Variants in CDH18 observed in about 807,000 individuals in gnomAD.
CDH18 encodes the protein cadherin-18.
CDH18 carries 31 observed loss-of-function variants against 67.9 expected under a neutral mutation model. The ratio of observed to expected loss-of-function variants is 0.46; its 90% CI spans 0.34 to 0.62. CDH18 has a LOEUF of 0.62. CDH18 is among the 20% of genes least tolerant of loss of function. The probability of loss-of-function intolerance (pLI) is 0.01; values close to 1 mark genes in which losing one functional copy is unlikely to be tolerated. For synonymous variants in CDH18, 362 were observed against 347.2 expected (o/e 1.04, Z -0.48); for missense variants, 890 against 975.5 (o/e 0.91, Z 1.17).
At chr5:20,398,532 T>A (rs759548695) in intron 1 of CDH18, among the ~76,000 whole-genome samples, 21 of 152,142 alleles carry the variant, frequency 1.4e-4, no homozygotes, top group Non-Finnish European at 2.6e-4. Flanking sequence ...GAGAAAAGCA[T>A]GGAAGCTGGC....
At chr5:20,212,717 A>G (rs1460381631) in intron 2 of CDH18, among the ~76,000 whole-genome samples, 1 of 151,948 alleles carries the variant, frequency 6.6e-6, no homozygotes, top group African/African-American at 2.4e-5. Flanking sequence ...AAAAAAACAT[A>G]TCTTAAATTT....
At position 19,875,395 on chromosome 5, in the gene CDH18, TATAGATAGATAGATAG is replaced by T. The variant is rs56837232; in HGVS notation, c.-256-36169_-256-36154del. On this transcript the variant is annotated intron_variant, in intron 2 of 12. Coordinates refer to ENST00000382275, the MANE Select transcript of CDH18 (RefSeq NM_004934.5). ...AATATTCTTCTATTTCTTCCATGGG[TATAGATAGATAGATAG>T]ATAGATAGATAGATAGATAGATAGA... Among the ~76,000 whole-genome samples the T allele has an allele frequency of 3.0e-3, 437 of 147,734 alleles. 7 individuals are homozygous for T. Among genetic ancestry groups the T allele is most frequent in the African/African-American group, 9.8e-3 (388 of 39,636 alleles).
chr5:20,021,952 T>C (rs984562296), intron 2 of CDH18, among the ~76,000 whole-genome samples: 2 of 152,208 alleles, frequency 1.3e-5, no homozygotes, highest in African/African-American at 2.4e-5. Context: ...ACAACACAGT[T>C]GAGTACATTT....
At position 19,472,942 on chromosome 5, in the gene CDH18, A is replaced by C; in HGVS notation, c.*284T>G. 3.5e-6 allele frequency: 1 copy of C among 288,164 alleles called. No homozygotes were observed. The highest frequency in any genetic ancestry group is 6.5e-6 in the Non-Finnish European group (1 of 154,022). 17.9% of individuals were successfully genotyped at this position (288,164 alleles called of 1,614,324 possible). ...GAAACAAATATCATTGTTTGGCTTA[A>C]TTCAGGTATTCTTAATAAACAGTAC... is the stretch of plus-strand genomic sequence containing the variant. On this transcript the variant is annotated 3_prime_UTR_variant, in exon 13 of 13. Coordinates refer to ENST00000382275, the MANE Select transcript of CDH18 (RefSeq NM_004934.5).
chr5:20,240,396 T>C (rs116698098), intron 2 of CDH18, among the ~76,000 whole-genome samples: 5,816 of 152,200 alleles, frequency 0.038, 364 homozygotes, highest in African/African-American at 0.13. Context: ...GAAAACTGTG[T>C]GCATAAATTT....
chr5:19,970,551 G>A, intron 2 of CDH18, among the ~76,000 whole-genome samples: 1 of 151,302 alleles, frequency 6.6e-6, no homozygotes, highest in Non-Finnish European at 1.5e-5. Flanking sequence ...ATTATCTTAA[G>A]GTTTTGGAAC....
intron 2 of CDH18, among the ~76,000 whole-genome samples, chr5:19,968,693 C>A (rs1797721233): frequency 7.0e-6 from 1 of 143,026 alleles, no homozygotes; most frequent in South Asian, 2.1e-4. Flanking sequence ...AAAATTAATT[C>A]AAGATGGATT....
At chr5:20,252,108 CT>C (rs1743902947) in intron 2 of CDH18, among the ~76,000 whole-genome samples, 2 of 152,106 alleles carry the variant, frequency 1.3e-5, no homozygotes, top group South Asian at 4.1e-4. Context: ...ATATTAATCA[CT>C]TTGGGAGGCT....
chr5:20,406,668 G>A (rs535448167), intron 1 of CDH18, among the ~76,000 whole-genome samples: 1 of 152,156 alleles, frequency 6.6e-6, no homozygotes, highest in East Asian at 1.9e-4. Flanking sequence ...TTAAAAGGGA[G>A]CACTATTAAT....
At position 19,483,309 on chromosome 5, in the gene CDH18, A is replaced by G. The variant is rs1739783066; in HGVS notation, c.1874T>C (p.Ile625Thr). The change falls in exon 12 of 13, where the codon ATT (isoleucine) becomes ACT (threonine). Residue 625 changes from isoleucine (I) to threonine (T), a missense_variant. Physicochemically the swap from Ile to Thr is moderately conservative, Grantham distance 89 (BLOSUM62 -1). Transcript: ENST00000382275. Reference sequence around the variant, plus strand: ...GGTTTAGAATGACTTACCCAGGAGAATGAGAACACAGAGAAGAATAGCGAT... The same window carrying G: ...GGTTTAGAATGACTTACCCAGGAGAGTGAGAACACAGAGAAGAATAGCGAT... ...ALIAILLCVL[I>T]LLAIVVLFIT... is the part of the protein sequence containing the mutation. 2 of 1,612,848 alleles carry G rather than the reference A, an allele frequency of 1.2e-6. No individual in the cohort carries two copies. The highest frequency in any genetic ancestry group is 8.5e-7 in the Non-Finnish European group (1 of 1,179,336).
intron 5 of CDH18, 60 bp from the exon 6 acceptor site, chr5:19,612,661 CAT>C (rs1158185008): frequency 8.5e-7 from 1 of 1,179,822 alleles, no homozygotes; most frequent in Non-Finnish European, 1.2e-6. Flanking sequence ...TATCAACAAA[CAT>C]ACACATACAT....
At position 20,274,559 on chromosome 5, in the gene CDH18, A is replaced by G. The variant is rs555044073; in HGVS notation, c.-579-19054T>C. Reference sequence around the variant, plus strand: ...TGCAATGGCCTTCATAGATGAGTACATATGTCAATAATTATCAAGTTATAA... The same window carrying G: ...TGCAATGGCCTTCATAGATGAGTACGTATGTCAATAATTATCAAGTTATAA... On this transcript the variant is annotated intron_variant, in intron 1 of 14. Coordinates refer to the CDH18 transcript ENST00000507958. Among the ~76,000 whole-genome samples, 6 of 152,290 alleles carry G rather than the reference A, an allele frequency of 3.9e-5. No homozygotes were observed. The South Asian group carries it at 1.2e-3, about 32-fold the overall frequency.
intron 2 of CDH18, among the ~76,000 whole-genome samples, chr5:20,078,770 T>C (rs1744185151): frequency 6.6e-6 from 1 of 151,800 alleles, no homozygotes; most frequent in Non-Finnish European, 1.5e-5. Context: ...GCCCAGCTAA[T>C]ATATTTTTTT....
intron 1 of CDH18, among the ~76,000 whole-genome samples, chr5:20,408,598 A>G (rs2150140087): frequency 6.6e-6 from 1 of 152,004 alleles, no homozygotes; most frequent in South Asian, 2.1e-4. Flanking sequence ...TTATACAAAA[A>G]AGAGAAAGAA....
intron 1 of CDH18, among the ~76,000 whole-genome samples, chr5:20,321,918 T>C (rs1455652173): frequency 6.6e-6 from 1 of 152,206 alleles, no homozygotes; most frequent in Non-Finnish European, 1.5e-5. Context: ...CCTTCAGTTT[T>C]TACAAATTTG....
intron 2 of CDH18, among the ~76,000 whole-genome samples, chr5:19,969,047 A>T (rs2150329275): frequency 7.2e-6 from 1 of 138,782 alleles, no homozygotes; most frequent in East Asian, 2.0e-4. Flanking sequence ...ATGAACAGAC[A>T]CTTCTCAAAA....
At chr5:19,815,379 T>C (rs1170303712) in intron 3 of CDH18, among the ~76,000 whole-genome samples, 1 of 151,964 alleles carries the variant, frequency 6.6e-6, no homozygotes, top group Non-Finnish European at 1.5e-5. Flanking sequence ...CTTGACAATA[T>C]TGGATGACAA....
chr5:19,581,841 T>C (rs1272320791), intron 7 of CDH18, among the ~76,000 whole-genome samples: 1 of 152,116 alleles, frequency 6.6e-6, no homozygotes, highest in Non-Finnish European at 1.5e-5. Flanking sequence ...TGTATGAATT[T>C]AAGCAGCGTT....
At chr5:20,352,090 A>G (rs930141463) in intron 1 of CDH18, among the ~76,000 whole-genome samples, 2 of 152,120 alleles carry the variant, frequency 1.3e-5, no homozygotes, top group African/African-American at 4.8e-5. Flanking sequence ...AAGTGATCCA[A>G]ATGCATACAC....
Sources: allele counts gnomAD v4.1 joint callset (sites outside exome capture counted in the v4.1 genomes callset), GRCh38; gene constraint gnomAD v4.1.1; transcripts MANE v1.5; gene names NCBI Gene and HGNC (gene_info 2026-07-23, HGNC 2026-07-21).